The following PDCD1LG2 variants were observed in gnomAD, a reference collection of about 807,000 sequenced individuals.
The protein encoded by PDCD1LG2 is B7 dendritic cell molecule.
In PDCD1LG2, 32 loss-of-function variants were observed where a neutral mutation model predicts 28.2. The observed-to-expected ratio is 1.13, with a 90% confidence interval of 0.86 to 1.52. The LOEUF (loss-of-function observed/expected upper bound fraction) is 1.52. PDCD1LG2 is among the 40% of genes most tolerant of loss of function. PDCD1LG2 has a pLI of 0.00. For missense variants in PDCD1LG2, 385 were observed against 323.8 expected (o/e 1.19, Z -1.45); for synonymous variants, 116 against 120.2 (o/e 0.97, Z 0.23).
Position 5,557,680 on chromosome 9 carries a change from A to T in PDCD1LG2, c.694A>T (p.Ile232Phe), listed in dbSNP as rs2129921801. Residue 232 changes from isoleucine to phenylalanine, a missense_variant, in exon 5 of 7, where the codon ATT (isoleucine) becomes TTT (phenylalanine). Physicochemically the swap from Ile to Phe is conservative, Grantham distance 21 (BLOSUM62 0). Coordinates refer to ENST00000397747, the MANE Select transcript of PDCD1LG2 (RefSeq NM_025239.4). The part of the protein sequence containing the change: ...LLHIFIPFCI[I>F]AFIFIATVIA... ...TCACATTTTCATCCCCTTCTGCATC[A>T]TTGCTTTCATTTTCATAGCCACAGT... 1 of 1,613,620 alleles carries T rather than the reference A, an allele frequency of 6.2e-7. No homozygotes were observed.
In PDCD1LG2 at chr9:5,557,692, T is replaced by C. The variant is rs1816473561; in HGVS notation, c.706T>C (p.Phe236Leu). ...FIPFCIIAFI[F>L]IATVIALRKQ... ...CCCCTTCTGCATCATTGCTTTCATT[T>C]TCATAGCCACAGTGATAGCCCTAAG... The change falls in exon 5 of 7, where the codon TTC (phenylalanine) becomes CTC (leucine). Residue 236 changes from phenylalanine (F) to leucine (L), a missense_variant. Phe to Leu is a conservative substitution (Grantham distance 22, BLOSUM62 0). Transcript: ENST00000397747. 9 of 1,613,792 alleles carry C rather than the reference T, an allele frequency of 5.6e-6. No individual in the cohort carries two copies. Among genetic ancestry groups the C allele is most frequent in the Non-Finnish European group, 7.6e-6 (9 of 1,179,794 alleles).
At chr9:5,535,814 C>T (rs1369460307) in intron 3 of PDCD1LG2, among the ~76,000 whole-genome samples, 1 of 152,170 alleles carries the variant, frequency 6.6e-6, no homozygotes, top group Non-Finnish European at 1.5e-5. Flanking sequence ...GATCTCTCCA[C>T]TCCAGCACAA....
chr9:5,571,239 A>T lies in PDCD1LG2; in HGVS notation c.*1280A>T, dbSNP rs748991977. 3.4e-5 allele frequency: 8 copies of T among 232,284 alleles called. No homozygotes were observed. The highest frequency in any genetic ancestry group is 1.8e-4 in the South Asian group (1 of 5,522). The allele number at this position is 232,284 out of a possible 1,614,324, so 14.4% of individuals were successfully genotyped here. A position where few individuals can be genotyped will look rare whatever the true frequency, so the allele number is the denominator to read the frequency against. ...AGAATGCCTTTAAAGAATAAAACTC[A>T]ATTGTTATTCTTCAACGTTCTTTAT... On this transcript the variant is annotated 3_prime_UTR_variant, in exon 7 of 7. Transcript: ENST00000397747.
chr9:5,515,471 G>A (rs949052721), intron 1 of PDCD1LG2, among the ~76,000 whole-genome samples: 2 of 152,220 alleles, frequency 1.3e-5, no homozygotes, highest in African/African-American at 4.8e-5. Flanking sequence ...ACTGGAGGGT[G>A]AGCAAGGCGG....
intron 2 of PDCD1LG2, among the ~76,000 whole-genome samples, chr9:5,526,944 C>T (rs897410092): frequency 1.3e-5 from 2 of 151,606 alleles, no homozygotes; most frequent in Non-Finnish European, 2.9e-5. Context: ...TTTTCTTCTG[C>T]TAGATTAATG....
At chr9:5,551,259 A>G (rs1816325993) in intron 4 of PDCD1LG2, among the ~76,000 whole-genome samples, 1 of 152,192 alleles carries the variant, frequency 6.6e-6, no homozygotes, top group Non-Finnish European at 1.5e-5. Context: ...TACTGATTCA[A>G]TCTGGCTTTA....
rs186238681 is a variant in PDCD1LG2 at position 5,549,487 on chromosome 9, G to C, written c.514G>C (p.Gly172Arg). 1 of 1,614,046 alleles carries C rather than the reference G, an allele frequency of 6.2e-7. No homozygotes were observed. Among genetic ancestry groups the C allele is most frequent in the East Asian group, 2.2e-5 (1 of 44,894 alleles). Residue 172 changes from glycine to arginine, a missense_variant, in exon 4 of 7, where the codon GGC becomes CGC. Physicochemically the swap from Gly to Arg is moderately radical, Grantham distance 125. Transcript: ENST00000397747. ...ANTSHSRTPE[G>R]LYQVTSVLRL... ...CACCAGCCACTCCAGGACCCCTGAA[G>C]GCCTCTACCAGGTCACCAGTGTTCT...
intron 1 of PDCD1LG2, among the ~76,000 whole-genome samples, chr9:5,514,772 G>GAAAAAAA (rs60002651): frequency 2.7e-4 from 17 of 62,348 alleles, no homozygotes; most frequent in Non-Finnish European, 4.3e-4. Flanking sequence ...AGTCTCTAAA[G>GAAAAAAA]AAAAAAAAAA....
chr9:5,534,685 G>A (rs918197782), intron 2 of PDCD1LG2, 60 bp from the exon 3 acceptor site: 70 of 1,480,058 alleles, frequency 4.7e-5, no homozygotes, highest in South Asian at 9.2e-5. Context: ...GTTACACTTC[G>A]TAAGAACTGG....
chr9:5,565,691 G>T (rs1018875293), intron 6 of PDCD1LG2, among the ~76,000 whole-genome samples: 1 of 152,010 alleles, frequency 6.6e-6, no homozygotes, highest in South Asian at 2.1e-4. Context: ...CAACTATATG[G>T]TATTTGATAT....
chr9:5,562,873 C>T (rs1376289799), intron 5 of PDCD1LG2, among the ~76,000 whole-genome samples: 1 of 152,194 alleles, frequency 6.6e-6, no homozygotes, highest in Admixed American at 6.5e-5. Context: ...ATTCTGCAGC[C>T]AGACATTTCC....
intron 3 of PDCD1LG2, among the ~76,000 whole-genome samples, chr9:5,539,310 C>T (rs188165277): frequency 3.9e-4 from 60 of 152,218 alleles, no homozygotes; most frequent in African/African-American, 1.4e-3. Flanking sequence ...GATCCAGGGT[C>T]TCTAAAAGAA....
intron 1 of PDCD1LG2, 101 bp from the exon 2 acceptor site, chr9:5,522,432 C>T: frequency 1.2e-6 from 1 of 859,914 alleles, no homozygotes; most frequent in Non-Finnish European, 1.9e-6. Context: ...CTGTCACCTT[C>T]CCCAAATGAT....
intron 1 of PDCD1LG2, among the ~76,000 whole-genome samples, chr9:5,511,889 G>A (rs1356670435): frequency 6.6e-6 from 1 of 152,178 alleles, no homozygotes; most frequent in African/African-American, 2.4e-5. Context: ...ACACCTTTAA[G>A]GTTCTCTGAG....
At chr9:5,524,331 C>T (rs1267492036) in intron 2 of PDCD1LG2, among the ~76,000 whole-genome samples, 1 of 152,182 alleles carries the variant, frequency 6.6e-6, no homozygotes, top group Non-Finnish European at 1.5e-5. Flanking sequence ...TAGGTTTTTG[C>T]ACTGAAGTCT....
chr9:5,518,927 T>C (rs1426118618), intron 1 of PDCD1LG2, among the ~76,000 whole-genome samples: 1 of 152,234 alleles, frequency 6.6e-6, no homozygotes, highest in African/African-American at 2.4e-5. Context: ...CACTGTGTTT[T>C]AAAATATAGG....
At chr9:5,530,455 C>G (rs1317228594) in intron 2 of PDCD1LG2, among the ~76,000 whole-genome samples, 1 of 147,924 alleles carries the variant, frequency 6.8e-6, no homozygotes, top group African/African-American at 2.5e-5. Flanking sequence ...AACAAAACAT[C>G]TTTTCCTTAG....
chr9:5,567,185 G>A (rs1586823722), intron 6 of PDCD1LG2, among the ~76,000 whole-genome samples: 2 of 152,206 alleles, frequency 1.3e-5, no homozygotes, highest in African/African-American at 4.8e-5. Context: ...GAAGGGCGAT[G>A]CTATACCTTC....
chr9:5,531,184 G>A (rs893423914), intron 2 of PDCD1LG2, among the ~76,000 whole-genome samples: 2 of 152,168 alleles, frequency 1.3e-5, no homozygotes, highest in Non-Finnish European at 2.9e-5. Flanking sequence ...CAAGATTGAG[G>A]CCCTCTGCTT....
Sources: allele counts gnomAD v4.1 joint callset (sites outside exome capture counted in the v4.1 genomes callset), GRCh38; gene constraint gnomAD v4.1.1; transcripts MANE v1.5; gene names NCBI Gene and HGNC (gene_info 2026-07-23, HGNC 2026-07-21).